The following SLC16A7 variants were observed in gnomAD, a reference collection of about 807,000 sequenced individuals.
SLC16A7 encodes the protein solute carrier family 16 member 7.
A neutral mutation model predicts 34.9 loss-of-function variants in SLC16A7; 33 were observed. The observed-to-expected ratio is 0.94, with a 90% CI of 0.72 to 1.26. The LOEUF (loss-of-function observed/expected upper bound fraction) is 1.26. SLC16A7 is among the 50% of genes most tolerant of loss of function. SLC16A7 has a pLI of 0.00. For missense variants in SLC16A7, 573 were observed against 578.1 expected, an observed-to-expected ratio of 0.99 and a Z score of 0.09; for synonymous variants, 201 against 206.6, an observed-to-expected ratio of 0.97 and a Z score of 0.23.
chr12:59,670,338 G>T (rs1440103534), intron 2 of SLC16A7, among the ~76,000 whole-genome samples: 3 of 152,064 alleles, frequency 2.0e-5, no homozygotes, highest in Non-Finnish European at 4.4e-5. Context: ...CACATTCTGA[G>T]ATACTGGAGG....
intron 1 of SLC16A7, among the ~76,000 whole-genome samples, chr12:59,599,004 G>C (rs527469717): frequency 1.3e-5 from 2 of 152,298 alleles, no homozygotes; most frequent in South Asian, 4.1e-4. Context: ...TATTCAGCTG[G>C]TACAGTTAGT....
chr12:59,759,030 G>A (rs1000241573), intron 3 of SLC16A7, among the ~76,000 whole-genome samples: 2 of 151,726 alleles, frequency 1.3e-5, no homozygotes, highest in Non-Finnish European at 2.9e-5. Flanking sequence ...TCTATTTAAG[G>A]AAAGACATGT....
At chr12:59,616,395 A>G (rs112627439) in intron 1 of SLC16A7, among the ~76,000 whole-genome samples, 29 of 152,312 alleles carry the variant, frequency 1.9e-4, no homozygotes, top group African/African-American at 6.5e-4. Flanking sequence ...TATTCTGGGT[A>G]GGCCATTAAA....
chr12:59,770,171 A>G (rs961393582), intron 3 of SLC16A7, among the ~76,000 whole-genome samples: 1 of 152,160 alleles, frequency 6.6e-6, no homozygotes, highest in African/African-American at 2.4e-5. Context: ...TCACTTGTGA[A>G]TATTTTATGT....
In SLC16A7 at chr12:59,779,817, A is replaced by C; in HGVS notation, c.*138A>C. On this transcript the variant is annotated 3_prime_UTR_variant, in exon 6 of 6. Transcript: ENST00000547379. ...AAGGATGGAGGTGATATTTTCCTCA[A>C]TGGCAAATTTTAAATTAGTTTTTAA... The C allele has an allele frequency of 1.6e-6, 1 of 641,416 alleles. No individual in the cohort carries two copies. Among genetic ancestry groups the C allele is most frequent in the Non-Finnish European group, 2.6e-6 (1 of 388,352 alleles). 39.7% of individuals were successfully genotyped at this position (641,416 alleles called of 1,614,324 possible).
At chr12:59,730,505 A>AT (rs2137240791) in intron 3 of SLC16A7, among the ~76,000 whole-genome samples, 1 of 152,148 alleles carries the variant, frequency 6.6e-6, no homozygotes, top group Non-Finnish European at 1.5e-5. Flanking sequence ...GTTGCAGCTG[A>AT]GTACAAATAT....
chr12:59,703,715 A>C (rs1432682861), intron 2 of SLC16A7, among the ~76,000 whole-genome samples: 3 of 152,094 alleles, frequency 2.0e-5, no homozygotes, highest in Admixed American at 2.0e-4. Flanking sequence ...GGGTGAGTAT[A>C]GTTAGTAATA....
At chr12:59,671,674 CTCTCTA>C (rs1035338531) in intron 2 of SLC16A7, among the ~76,000 whole-genome samples, 12 of 139,154 alleles carry the variant, frequency 8.6e-5, no homozygotes, top group Non-Finnish European at 1.2e-4. Flanking sequence ...CTCTCTCTCT[CTCTCTA>C]TATATATATA....
At chr12:59,689,690 T>C (rs1413208431) in intron 2 of SLC16A7, among the ~76,000 whole-genome samples, 1 of 152,006 alleles carries the variant, frequency 6.6e-6, no homozygotes, top group Non-Finnish European at 1.5e-5. Context: ...CCAGGAATTT[T>C]TCTTTAACTC....
chr12:59,760,571 C>A (rs1055456020), intron 3 of SLC16A7, among the ~76,000 whole-genome samples: 5 of 152,028 alleles, frequency 3.3e-5, no homozygotes, highest in Non-Finnish European at 7.4e-5. Flanking sequence ...GTAAAAGTTA[C>A]GTGAATGTGG....
chr12:59,625,187 T>C (rs939345415), intron 1 of SLC16A7, among the ~76,000 whole-genome samples: 3 of 151,752 alleles, frequency 2.0e-5, no homozygotes, highest in African/African-American at 7.3e-5. Context: ...GGAGGAGTTT[T>C]CTGAAGCCTG....
chr12:59,714,351 A>G (rs1327551678), intron 3 of SLC16A7, among the ~76,000 whole-genome samples: 2 of 152,244 alleles, frequency 1.3e-5, no homozygotes, highest in Admixed American at 1.3e-4. Context: ...TCTAGCTGCC[A>G]TAAAATAATA....
At chr12:59,618,509 C>T (rs1319600577) in intron 1 of SLC16A7, among the ~76,000 whole-genome samples, 3 of 151,904 alleles carry the variant, frequency 2.0e-5, no homozygotes, top group African/African-American at 7.2e-5. Context: ...TAATGTTTGC[C>T]AATCTGCTGA....
At chr12:59,683,208 T>TTTG (rs1870886296) in intron 2 of SLC16A7, among the ~76,000 whole-genome samples, 1 of 152,186 alleles carries the variant, frequency 6.6e-6, no homozygotes, top group South Asian at 2.1e-4. Context: ...TGTCTTCTGA[T>TTTG]AGAGTGTTAT....
At chr12:59,704,138 T>C (rs1390067595) in intron 2 of SLC16A7, among the ~76,000 whole-genome samples, 2 of 140,018 alleles carry the variant, frequency 1.4e-5, no homozygotes, top group East Asian at 4.2e-4. Context: ...AGGCACAGGT[T>C]CCAGTGAGCC....
At chr12:59,689,391 G>A (rs1871390381) in intron 2 of SLC16A7, 2 of 151,998 alleles carry the variant, frequency 1.3e-5, no homozygotes, top group Non-Finnish European at 2.9e-5. Context: ...TCTGCCTCAG[G>A]TGGGGAGAGG....
intron 1 of SLC16A7, among the ~76,000 whole-genome samples, chr12:59,630,648 G>C (rs868546947): frequency 6.6e-6 from 1 of 151,854 alleles, no homozygotes; most frequent in African/African-American, 2.4e-5. Context: ...AAAACCTATC[G>C]TAGTAGCTCT....
Position 59,779,945 on chromosome 12 carries a change from C to CTAAT in SLC16A7, c.*268_*271dup, listed in dbSNP as rs57412416. 7,967 of 297,722 alleles carry CTAAT rather than the reference C, an allele frequency of 0.027. 614 individuals are homozygous for CTAAT. Among genetic ancestry groups the CTAAT allele is most frequent in the African/African-American group, 0.16 (7,439 of 45,188 alleles). The allele number at this position is 297,722 out of a possible 1,614,324, so 18.4% of individuals were successfully genotyped here. ...GACTCTGGGTGTGGTGGTTAAAATA[C>CTAAT]TAATTTTAAAGTCTTCCAGTGACTT... On this transcript the variant is annotated 3_prime_UTR_variant, in exon 6 of 6. Coordinates refer to ENST00000547379, the MANE Select transcript of SLC16A7 (RefSeq NM_001270623.2).
In SLC16A7 at chr12:59,779,690, A is replaced by G. The variant is rs766499778; in HGVS notation, c.*11A>G. On this transcript the variant is annotated 3_prime_UTR_variant, in exon 6 of 6. Coordinates refer to ENST00000547379, the MANE Select transcript of SLC16A7 (RefSeq NM_001270623.2). ...GAAACTAACATTTAACAAGAATCACATCTCTGATTTCAGTGTTTATGACTT... is the reference window on the plus strand; with the variant it reads ...GAAACTAACATTTAACAAGAATCACGTCTCTGATTTCAGTGTTTATGACTT... 2 of 1,597,448 alleles carry G rather than the reference A, an allele frequency of 1.3e-6. No homozygotes were observed. The highest frequency in any genetic ancestry group is 1.7e-6 in the Non-Finnish European group (2 of 1,170,216).
Sources: allele counts gnomAD v4.1 joint callset (sites outside exome capture counted in the v4.1 genomes callset), GRCh38; gene constraint gnomAD v4.1.1; transcripts MANE v1.5; gene names NCBI Gene and HGNC (gene_info 2026-07-23, HGNC 2026-07-21).